Variants in LCOR observed in about 807,000 individuals in gnomAD.
The protein encoded by LCOR is ligand-dependent corepressor.
In LCOR, 14 loss-of-function variants were observed where a neutral mutation model predicts 64.4. The ratio of observed to expected loss-of-function variants is 0.22; its 90% CI spans 0.14 to 0.34. LCOR has a LOEUF of 0.34. LCOR is among the 10% of genes least tolerant of loss of function. The pLI is 1.00. For synonymous variants in LCOR, 643 were observed against 642.5 expected (o/e 1.00, Z -0.01); for missense variants, 1,686 against 1,765.3 (o/e 0.96, Z 0.80).
chr10:96,850,271 C>T (rs997049346), intron 2 of LCOR, among the ~76,000 whole-genome samples: 9 of 151,992 alleles, frequency 5.9e-5, no homozygotes, highest in Admixed American at 1.3e-4. Flanking sequence ...AGATCAAGGC[C>T]GGGCGCAGTG....
At chr10:96,900,791 G>A (rs1846620801) in intron 2 of LCOR, among the ~76,000 whole-genome samples, 1 of 151,106 alleles carries the variant, frequency 6.6e-6, no homozygotes, top group African/African-American at 2.4e-5. Flanking sequence ...ATCTATAAAT[G>A]TCTTTTATCA....
chr10:96,985,114 A>G lies in LCOR; in HGVS notation c.4654A>G (p.Arg1552Gly), dbSNP rs748018962. Residue 1552 changes from arginine (R) to glycine (G), a missense_variant, in exon 8 of 8, where the codon AGG becomes GGG. This residue lies in a region of LCOR where 1,293 missense variants were observed against 1,410.4 expected (regional missense o/e 0.92). Coordinates refer to ENST00000421806, the MANE Select transcript of LCOR (RefSeq NM_001346516.2). ...AKLDCSHSKR[R>G]RLDAK is the part of the protein sequence containing the mutation. Reference sequence around the variant, plus strand: ...GCTGGACTGTTCGCACAGCAAACGGAGGCGGCTGGATGCAAAGTGATTGGA... The same window carrying G: ...GCTGGACTGTTCGCACAGCAAACGGGGGCGGCTGGATGCAAAGTGATTGGA... The G allele has an allele frequency of 6.3e-7, 1 of 1,599,202 alleles. No individual in the cohort carries two copies. The highest frequency in any genetic ancestry group is 8.5e-7 in the Non-Finnish European group (1 of 1,175,018).
At chr10:96,961,411 C>A (rs571636176) in intron 7 of LCOR, 6 of 151,668 alleles carry the variant, frequency 4.0e-5, no homozygotes, top group African/African-American at 1.5e-4. Context: ...ACTCTTTTAC[C>A]CCATCTTGAA....
intron 5 of LCOR, among the ~76,000 whole-genome samples, chr10:96,947,888 T>C (rs1196933424): frequency 2.6e-5 from 4 of 152,174 alleles, no homozygotes; most frequent in Non-Finnish European, 5.9e-5. Context: ...TTAAAAGGAC[T>C]ATTTCATGGT....
At chr10:96,943,818 C>G (rs1847540738) in intron 4 of LCOR, among the ~76,000 whole-genome samples, 1 of 150,818 alleles carries the variant, frequency 6.6e-6, no homozygotes, top group African/African-American at 2.4e-5. Flanking sequence ...ATAATAGAAC[C>G]AATATATTTG....
intron 2 of LCOR, among the ~76,000 whole-genome samples, chr10:96,896,164 C>CAGTAG (rs1846533599): frequency 6.6e-6 from 1 of 152,096 alleles, no homozygotes; most frequent in Non-Finnish European, 1.5e-5. Flanking sequence ...CTGCTTTGTA[C>CAGTAG]AGTAGCACTT....
chr10:96,833,880 C>T (rs1845393779), intron 2 of LCOR, among the ~76,000 whole-genome samples: 1 of 151,792 alleles, frequency 6.6e-6, no homozygotes, highest in Non-Finnish European at 1.5e-5. Context: ...GGAGAACAGA[C>T]ACTGATTTAA....
chr10:96,973,979 AG>A (rs1193189124), intron 7 of LCOR, among the ~76,000 whole-genome samples: 1 of 152,186 alleles, frequency 6.6e-6, no homozygotes, highest in Non-Finnish European at 1.5e-5. Context: ...CCCACCCACC[AG>A]TATTAACCAC....
chr10:96,938,918 A>G (rs541925328), intron 4 of LCOR, among the ~76,000 whole-genome samples: 2 of 152,356 alleles, frequency 1.3e-5, no homozygotes, highest in East Asian at 3.9e-4. Context: ...TAAAATTGTT[A>G]CTATGGTATT....
chr10:96,839,120 G>A (rs894249036), intron 2 of LCOR, among the ~76,000 whole-genome samples: 12 of 152,322 alleles, frequency 7.9e-5, no homozygotes, highest in African/African-American at 2.6e-4. Context: ...TCCTAACAGT[G>A]TGTTAAGCAT....
At chr10:96,953,256 T>A (rs1847712599) in intron 7 of LCOR, among the ~76,000 whole-genome samples, 1 of 151,918 alleles carries the variant, frequency 6.6e-6, no homozygotes, top group Non-Finnish European at 1.5e-5. Flanking sequence ...TATTTATATA[T>A]CAAAAAATAC....
chr10:96,958,593 T>C, intron 7 of LCOR: 1 of 618,426 alleles, frequency 1.6e-6, no homozygotes, highest in Non-Finnish European at 2.9e-6. Flanking sequence ...CTCTAAACTT[T>C]CTCAGATTAA....
intron 4 of LCOR, among the ~76,000 whole-genome samples, chr10:96,910,581 A>T (rs1846812972): frequency 6.6e-6 from 1 of 151,986 alleles, no homozygotes. Context: ...GAAATTAAGT[A>T]TTTTTTTTGT....
Position 96,952,345 on chromosome 10 carries a change from G to A in LCOR, c.332+149G>A, listed in dbSNP as rs1589679055. 8.5e-6 allele frequency: 5 copies of A among 584,982 alleles called. No homozygotes were observed. The South Asian group carries it at 1.1e-4, about 13-fold the overall frequency. 36.2% of individuals were successfully genotyped at this position (584,982 alleles called of 1,614,324 possible). A position where few individuals can be genotyped will look rare whatever the true frequency, so the allele number is the denominator to read the frequency against. On this transcript the variant is annotated intron_variant, in intron 7 of 7. Coordinates refer to ENST00000421806, the MANE Select transcript of LCOR (RefSeq NM_001346516.2). Reference sequence around the variant, plus strand: ...CATAGATCAAATAAAAATATAATCTGTGCAATGTAAAATTGGCTAGTACAG... The same window carrying A: ...CATAGATCAAATAAAAATATAATCTATGCAATGTAAAATTGGCTAGTACAG...
intron 7 of LCOR, chr10:96,958,155 A>C (rs906513982): frequency 2.5e-5 from 32 of 1,255,320 alleles, no homozygotes; most frequent in Non-Finnish European, 3.2e-5. Flanking sequence ...TCAGTAGCCC[A>C]GGATTGCTAC....
chr10:96,849,654 A>AC (rs1248361109), intron 2 of LCOR, among the ~76,000 whole-genome samples: 9 of 152,186 alleles, frequency 5.9e-5, no homozygotes, highest in African/African-American at 2.2e-4. Flanking sequence ...TGCACAACAT[A>AC]CAGTTTATTC....
chr10:96,881,984 C>T (rs1211423577), intron 2 of LCOR, among the ~76,000 whole-genome samples: 1 of 152,200 alleles, frequency 6.6e-6, no homozygotes, highest in East Asian at 1.9e-4. Flanking sequence ...TTCTAGCTTC[C>T]TCTAATTGCT....
intron 4 of LCOR, among the ~76,000 whole-genome samples, chr10:96,917,068 C>T (rs2134466578): frequency 6.6e-6 from 1 of 152,318 alleles, no homozygotes; most frequent in Admixed American, 6.5e-5. Flanking sequence ...AGGATTAAAA[C>T]TGCTTGATAT....
At position 96,982,271 on chromosome 10, in the gene LCOR, G is replaced by A. The variant is rs996118422; in HGVS notation, c.1811G>A (p.Ser604Asn). The A allele has an allele frequency of 6.2e-7, 1 of 1,614,184 alleles. No individual in the cohort carries two copies. The highest frequency in any genetic ancestry group is 8.5e-7 in the Non-Finnish European group (1 of 1,180,024). ...CPTKIKPNLS[S>N]SPRSEETTAS... ...ACAAAGATTAAGCCGAACCTGAGCA[G>A]CTCCCCTAGGTCAGAGGAAACGACA... Residue 604 changes from serine (S) to asparagine (N), a missense_variant, in exon 8 of 8, where the codon AGC (serine) becomes AAC (asparagine). Around this residue, in one of 3 missense-constraint regions of LCOR, gnomAD observed 1,293 missense variants for 1,410.4 expected, o/e 0.92. Transcript: ENST00000421806.
Sources: allele counts gnomAD v4.1 joint callset (sites outside exome capture counted in the v4.1 genomes callset), GRCh38; gene constraint gnomAD v4.1.1; regional missense constraint gnomAD v4.1.1; transcripts MANE v1.5; gene names NCBI Gene and HGNC (gene_info 2026-07-23, HGNC 2026-07-21).